Variants in CCNL2 observed in about 807,000 individuals in gnomAD.
CCNL2 encodes cyclin L2.
Under a neutral mutation model 59.1 loss-of-function variants are expected in CCNL2, and 28 were observed. That is an observed-to-expected ratio of 0.47 (90% CI 0.35 to 0.65). The LOEUF (loss-of-function observed/expected upper bound fraction) is 0.65, where lower values mean the gene tolerates loss of function less well. Ranked by LOEUF, CCNL2 falls within the 30% of genes least tolerant of loss-of-function variation. The pLI, the probability that CCNL2 is intolerant of heterozygous loss-of-function variation, is 0.00. For missense variants in CCNL2, 714 were observed against 717.4 expected (o/e 1.00, Z 0.05); for synonymous variants, 342 against 288.6 (o/e 1.19, Z -1.88).
chr1:1,391,677 TTAAC>T, intron 5 of CCNL2: 1 of 644,560 alleles, frequency 1.6e-6, no homozygotes, highest in Non-Finnish European at 2.4e-6. Context: ...AGTACATTCT[TTAAC>T]TTTCATATTT....
At chr1:1,393,213 C>T (rs1644842600) in intron 5 of CCNL2, 183 bp downstream of exon 5, 2 of 613,754 alleles carry the variant, frequency 3.3e-6, no homozygotes, top group Non-Finnish European at 5.9e-6. Context: ...GGCCACCTAC[C>T]GTGACTGCCA....
intron 4 of CCNL2, 124 bp from the exon 5 acceptor site, chr1:1,393,584 C>T (rs775457360): frequency 1.6e-5 from 13 of 811,022 alleles, no homozygotes; most frequent in African/African-American, 5.1e-5. Context: ...CCTGGCCACA[C>T]GTCTGGCGGA....
chr1:1,390,327 G>C lies in CCNL2; in HGVS notation c.909C>G (p.His303Gln). Reference protein sequence around the residue: ...HLEGEVEKRKHAIEEAKAQAR... With the variant: ...HLEGEVEKRKQAIEEAKAQAR... ...CTTGGGCCTTTGCCTCTTCGATAGC[G>C]TGCTTTCTTTTTTCCACTTCACCCT... is the stretch of plus-strand genomic sequence containing the variant. The change falls in exon 8 of 11, where the codon CAC becomes CAG. Residue 303 changes from histidine to glutamine, a missense_variant. By Grantham distance (24) the His-to-Gln change is conservative. Transcript: ENST00000400809. The C allele has an allele frequency of 3.7e-6, 6 of 1,613,900 alleles. No homozygotes were observed. The highest frequency in any genetic ancestry group is 4.2e-6 in the Non-Finnish European group (5 of 1,179,882).
intron 5 of CCNL2, chr1:1,392,513 G>A (rs1411472105): frequency 6.9e-6 from 9 of 1,312,786 alleles, no homozygotes; most frequent in East Asian, 5.9e-5. Flanking sequence ...GAAAGGTACT[G>A]CATCTTTATC....
At chr1:1,389,875 T>C (rs1238938208) in intron 8 of CCNL2, among the ~76,000 whole-genome samples, 1 of 151,782 alleles carries the variant, frequency 6.6e-6, no homozygotes, top group Non-Finnish European at 1.5e-5. Flanking sequence ...AGGAGAATGG[T>C]GTGAACTCAG....
intron 3 of CCNL2, among the ~76,000 whole-genome samples, chr1:1,396,467 T>C (rs1645027759): frequency 6.6e-6 from 1 of 151,488 alleles, no homozygotes; most frequent in South Asian, 2.1e-4. Flanking sequence ...GGTTTCTACA[T>C]GTTGGTCAGG....
In CCNL2 at chr1:1,387,538, C is replaced by G; in HGVS notation, c.1256G>C (p.Ser419Thr). 1 of 1,539,504 alleles carries G rather than the reference C, an allele frequency of 6.5e-7. No individual in the cohort carries two copies. Among genetic ancestry groups the G allele is most frequent in the Non-Finnish European group, 8.7e-7 (1 of 1,146,208 alleles). Reference sequence around the variant, plus strand: ...GGAGTCACTCCTGCTCCGGGAGCGGCTCTGCGACTTGGACCCACCAGATGT... The same window carrying G: ...GGAGTCACTCCTGCTCCGGGAGCGGGTCTGCGACTTGGACCCACCAGATGT... ...GSTSGGSKSQ[S>T]RSRSRSDSPP... Residue 419 changes from serine (S) to threonine (T), a missense_variant, in exon 11 of 11, where the codon AGC becomes ACC. Ser to Thr is a moderately conservative substitution (Grantham distance 58). Transcript: ENST00000400809.
Position 1,398,392 on chromosome 1 carries a change from T to A in CCNL2, c.364-50A>T, listed in dbSNP as rs550818699. On this transcript the variant is annotated intron_variant, in intron 2 of 10. Transcript: ENST00000400809. ...CCCATGTTTGTCCCCAGCCACGGCG[T>A]CCTGACGGCCGCCAAAGGCTTGAGG... 24 of 1,611,882 alleles carry A rather than the reference T, an allele frequency of 1.5e-5. 1 individual carries two copies. The South Asian group carries it at 2.5e-4, about 17-fold the overall frequency.
intron 10 of CCNL2, 97 bp from the exon 11 acceptor site, chr1:1,387,679 T>C: frequency 6.3e-6 from 9 of 1,423,302 alleles, no homozygotes; most frequent in South Asian, 2.5e-5. Context: ...AAGCTCCAGG[T>C]TTAGAGAAAC....
chr1:1,387,615 A>G, intron 10 of CCNL2, 33 bp from the exon 11 acceptor site: 1 of 1,459,236 alleles, frequency 6.9e-7, no homozygotes, highest in Non-Finnish European at 9.1e-7. Flanking sequence ...CACACGTGTG[A>G]CCATCTGGCC....
chr1:1,390,171 GGA>G, intron 8 of CCNL2, 57 bp downstream of exon 8: 10 of 1,513,684 alleles, frequency 6.6e-6, no homozygotes, highest in Non-Finnish European at 8.0e-6. Flanking sequence ...TGGAGGCGGG[GGA>G]GAGTCACCAG....
intron 10 of CCNL2, 94 bp from the exon 11 acceptor site, chr1:1,387,676 A>G: frequency 7.1e-7 from 1 of 1,411,580 alleles, no homozygotes; most frequent in Non-Finnish European, 9.7e-7. Flanking sequence ...CACAAGCTCC[A>G]GGTTTAGAGA....
intron 4 of CCNL2, 64 bp from the exon 5 acceptor site, chr1:1,393,524 G>A: frequency 1.4e-6 from 2 of 1,399,474 alleles, no homozygotes; most frequent in Middle Eastern, 1.8e-4. Context: ...CAGATCTTGT[G>A]GGTGTCCATG....
chr1:1,399,260 G>T lies in CCNL2; in HGVS notation c.47C>A (p.Pro16His). 6.3e-7 allele frequency: 1 copy of T among 1,578,432 alleles called. No individual in the cohort carries two copies. Among genetic ancestry groups the T allele is most frequent in the South Asian group, 1.1e-5 (1 of 87,640 alleles). ...TCCCGGGGCGCCGGCCGCTGCCGCG[G>T]GAGCTGCCGACCCTGCAGCACCAGC... ...AAAGAAGSAA[P>H]AAAAGAPGSG... The change falls in exon 1 of 11, where the codon CCC (proline) becomes CAC (histidine). Residue 16 changes from proline (P) to histidine (H), a missense_variant. Pro to His is a moderately conservative substitution (Grantham distance 77, BLOSUM62 -2). This residue lies in a region of CCNL2 where 270 missense variants were observed against 254.9 expected (regional missense o/e 1.06). Transcript: ENST00000400809.
At chr1:1,392,863 T>C (rs1644826543) in intron 5 of CCNL2, 3 of 1,549,742 alleles carry the variant, frequency 1.9e-6, no homozygotes, top group Admixed American at 3.4e-5. Flanking sequence ...AAACATGTCA[T>C]AGCACCAGAC....
chr1:1,395,754 A>G (rs988037096), intron 3 of CCNL2, among the ~76,000 whole-genome samples: 2 of 152,146 alleles, frequency 1.3e-5, no homozygotes, highest in Non-Finnish European at 2.9e-5. Context: ...CTTCTGGTGC[A>G]CAAGCATAGA....
intron 8 of CCNL2, among the ~76,000 whole-genome samples, chr1:1,389,747 C>A (rs1286002402): frequency 6.6e-6 from 1 of 151,922 alleles, no homozygotes; most frequent in Non-Finnish European, 1.5e-5. Context: ...ATCACGAGGT[C>A]AGGAGATCGA....
At chr1:1,395,722 G>A (rs560407321) in intron 3 of CCNL2, among the ~76,000 whole-genome samples, 1 of 152,202 alleles carries the variant, frequency 6.6e-6, no homozygotes, top group Admixed American at 6.5e-5. Context: ...ATCCCTCCCT[G>A]CTTTTCCTTA....
chr1:1,389,267 G>A (rs1450630208), intron 8 of CCNL2: 3 of 152,442 alleles, frequency 2.0e-5, no homozygotes, highest in East Asian at 1.9e-4. Flanking sequence ...TACTCAGGAG[G>A]CTGAGGCAGG....
Sources: allele counts gnomAD v4.1 joint callset (sites outside exome capture counted in the v4.1 genomes callset), GRCh38; gene constraint gnomAD v4.1.1; regional missense constraint gnomAD v4.1.1; transcripts MANE v1.5; gene names NCBI Gene and HGNC (gene_info 2026-07-23, HGNC 2026-07-21).